INPP4B: variants seen among roughly 807,000 people sequenced by gnomAD.
INPP4B encodes the protein inositol polyphosphate 4-phosphatase type II.
INPP4B carries 55 observed loss-of-function variants against 122.5 expected under a neutral mutation model. The ratio of observed to expected loss-of-function variants is 0.45; its 90% CI spans 0.36 to 0.56. The LOEUF is 0.56. INPP4B is among the 20% of genes least tolerant of loss of function. The probability of loss-of-function intolerance (pLI) is 0.00; values close to 1 mark genes in which losing one functional copy is unlikely to be tolerated. For missense variants in INPP4B, 1,000 were observed against 1,097.7 expected (o/e 0.91, Z 1.26); for synonymous variants, 403 against 388.7 (o/e 1.04, Z -0.43).
chr4:142,052,115 AATAAACT>A (rs1578733663), intron 25 of INPP4B, among the ~76,000 whole-genome samples: 2 of 152,012 alleles, frequency 1.3e-5, no homozygotes, highest in East Asian at 3.9e-4. Flanking sequence ...TTTGATCAAG[AATAAACT>A]ATTTTTATCA....
rs540520459 is a variant in INPP4B at position 142,550,556 on chromosome 4, A to G, written c.-190-87830T>C. ...CAAGTTTTTTCTCTCCTATCTCTTG[A>G]TCTCTCACTTTCATCATTATATATG... On this transcript the variant is annotated intron_variant, in intron 2 of 25. Coordinates refer to ENST00000262992, the MANE Select transcript of INPP4B (RefSeq NM_001101669.3). Among the ~76,000 whole-genome samples the G allele has an allele frequency of 6.0e-5, 9 of 150,276 alleles. No homozygotes were observed. The South Asian group carries it at 1.9e-3, about 32-fold the overall frequency.
At position 142,216,480 on chromosome 4, in the gene INPP4B, T is replaced by G. The variant is rs145596816; in HGVS notation, c.837-7454A>C. Among the ~76,000 whole-genome samples the G allele has an allele frequency of 2.8e-3, 428 of 152,340 alleles. 2 individuals are homozygous for G. Among genetic ancestry groups the G allele is most frequent in the African/African-American group, 9.5e-3 (395 of 41,590 alleles). On this transcript the variant is annotated intron_variant, in intron 12 of 25. Transcript: ENST00000262992. ...AAGGAGACATATAATTGCTAATGTCTATTCAGGAAACATCTAGTGCTCTAT... is the reference window on the plus strand; with the variant it reads ...AAGGAGACATATAATTGCTAATGTCGATTCAGGAAACATCTAGTGCTCTAT...
intron 2 of INPP4B, among the ~76,000 whole-genome samples, chr4:142,575,550 G>C (rs1293218492): frequency 1.3e-5 from 2 of 152,016 alleles, no homozygotes; most frequent in Non-Finnish European, 1.5e-5. Context: ...AAACACCTCT[G>C]AGTTCCTCAC....
intron 3 of INPP4B, among the ~76,000 whole-genome samples, chr4:142,442,504 G>C (rs1454890985): frequency 2.0e-5 from 3 of 151,364 alleles, no homozygotes; most frequent in African/African-American, 7.3e-5. Flanking sequence ...GGCAAAAGAT[G>C]TCATAAAAAG....
chr4:142,624,795 G>A (rs1745925142), intron 2 of INPP4B, among the ~76,000 whole-genome samples: 1 of 152,148 alleles, frequency 6.6e-6, no homozygotes, highest in African/African-American at 2.4e-5. Context: ...GATCAAGTGG[G>A]CTTCATCCCT....
chr4:142,115,935 C>A (rs1056373364), intron 21 of INPP4B, among the ~76,000 whole-genome samples: 1 of 151,994 alleles, frequency 6.6e-6, no homozygotes, highest in Non-Finnish European at 1.5e-5. Flanking sequence ...TGCAGAGACA[C>A]ACATAGGCTC....
intron 25 of INPP4B, among the ~76,000 whole-genome samples, chr4:142,073,892 C>A (rs750370481): frequency 6.6e-6 from 1 of 152,022 alleles, no homozygotes; most frequent in African/African-American, 2.4e-5. Flanking sequence ...TCTTGCTACA[C>A]CTCATTTTCC....
intron 2 of INPP4B, chr4:142,518,568 A>G (rs1249492243): frequency 6.6e-6 from 1 of 152,032 alleles, no homozygotes; most frequent in Non-Finnish European, 1.5e-5. Context: ...ACACTCACAT[A>G]ACTCTCCCCA....
chr4:142,339,961 A>G (rs1314531549), intron 7 of INPP4B, among the ~76,000 whole-genome samples: 1 of 152,222 alleles, frequency 6.6e-6, no homozygotes, highest in Non-Finnish European at 1.5e-5. Flanking sequence ...AGCAACATGA[A>G]TAGATATACC....
At chr4:142,546,757 A>T (rs1829690158) in intron 2 of INPP4B, among the ~76,000 whole-genome samples, 2 of 152,162 alleles carry the variant, frequency 1.3e-5, no homozygotes, top group South Asian at 4.1e-4. Flanking sequence ...TTCAACATTA[A>T]CGCAACTTGG....
chr4:142,133,497 C>A (rs1056471787), intron 18 of INPP4B, among the ~76,000 whole-genome samples: 1 of 152,116 alleles, frequency 6.6e-6, no homozygotes, highest in South Asian at 2.1e-4. Flanking sequence ...TCTGGTTTTA[C>A]CCTCTTCATG....
intron 2 of INPP4B, among the ~76,000 whole-genome samples, chr4:142,511,933 C>T (rs1298011676): frequency 6.6e-6 from 1 of 152,090 alleles, no homozygotes; most frequent in Non-Finnish European, 1.5e-5. Flanking sequence ...ACTTTTCTTG[C>T]AATACTCCAG....
intron 1 of INPP4B, among the ~76,000 whole-genome samples, chr4:142,782,504 G>T (rs1775021967): frequency 6.6e-6 from 1 of 151,746 alleles, no homozygotes; most frequent in African/African-American, 2.4e-5. Context: ...ACCCAGTAAT[G>T]GGATGGCTGG....
At chr4:142,199,396 T>C (rs1361370175) in intron 14 of INPP4B, among the ~76,000 whole-genome samples, 4 of 152,050 alleles carry the variant, frequency 2.6e-5, no homozygotes, top group African/African-American at 9.6e-5. Context: ...AATATGTGTG[T>C]ATGTAATATG....
intron 18 of INPP4B, among the ~76,000 whole-genome samples, chr4:142,136,026 T>C (rs1471306455): frequency 6.6e-6 from 1 of 152,214 alleles, no homozygotes; most frequent in Non-Finnish European, 1.5e-5. Flanking sequence ...CTCGATCTCC[T>C]GACCTTGTGA....
At chr4:142,347,671 A>G (rs1032323734) in intron 7 of INPP4B, 5 of 320,140 alleles carry the variant, frequency 1.6e-5, no homozygotes, top group African/African-American at 1.1e-4. Flanking sequence ...ATATTTGAGT[A>G]AATAATTTCT....
intron 7 of INPP4B, chr4:142,383,884 G>A: frequency 1.8e-6 from 1 of 549,252 alleles, no homozygotes; most frequent in South Asian, 2.7e-5. Flanking sequence ...GGGAACACAG[G>A]TGTGAGCTTA....
At chr4:142,670,654 G>A (rs189630088) in intron 2 of INPP4B, among the ~76,000 whole-genome samples, 2 of 152,200 alleles carry the variant, frequency 1.3e-5, no homozygotes, top group East Asian at 1.9e-4. Context: ...GCGGTGGTTT[G>A]GGGCTGGGAT....
chr4:142,160,439 C>G lies in INPP4B; in HGVS notation c.1482G>C (p.Glu494Asp), dbSNP rs145970033. ...CTGGGGGTTGGTCTTGGGGACTGCT[C>G]TCCTCTGTGCTGCTCTTAGGAGAGG... ...KPPSPKSSTE[E>D]SSPQDQPPVM... The change falls in exon 17 of 26, where the codon GAG (glutamate) becomes GAC (aspartate). Residue 494 changes from glutamate to aspartate, a missense_variant. Transcript: ENST00000262992. 1.2e-6 allele frequency: 2 copies of G among 1,610,710 alleles called. No homozygotes were observed. Among genetic ancestry groups the G allele is most frequent in the Non-Finnish European group, 1.7e-6 (2 of 1,177,760 alleles).
Sources: allele counts gnomAD v4.1 joint callset (sites outside exome capture counted in the v4.1 genomes callset), GRCh38; gene constraint gnomAD v4.1.1; transcripts MANE v1.5; gene names NCBI Gene and HGNC (gene_info 2026-07-23, HGNC 2026-07-21).